The following KLF12 variants were observed in gnomAD, a reference collection of about 807,000 sequenced individuals.
KLF12 encodes the protein KLF transcription factor 12.
A neutral mutation model predicts 37.8 loss-of-function variants in KLF12; 9 were observed. That is an observed-to-expected ratio of 0.24 (90% CI 0.14 to 0.42). The LOEUF (loss-of-function observed/expected upper bound fraction) is 0.42. Ranked by LOEUF, KLF12 falls within the 10% of genes least tolerant of loss-of-function variation. KLF12 has a pLI of 1.00. For missense variants in KLF12, 411 were observed against 516.0 expected, an observed-to-expected ratio of 0.80 and a Z score of 1.97; for synonymous variants, 208 against 202.1, an observed-to-expected ratio of 1.03 and a Z score of -0.25.
chr13:73,956,481 C>T (rs376331236), intron 2 of KLF12, among the ~76,000 whole-genome samples: 28 of 151,368 alleles, frequency 1.8e-4, no homozygotes, highest in African/African-American at 6.9e-4. Flanking sequence ...TTGGCTTCTG[C>T]CACTATATCC....
At chr13:74,202,744 C>T in the KLF12 span, among the ~76,000 whole-genome samples, 1 of 152,148 alleles carries the variant, frequency 6.6e-6, no homozygotes. Flanking sequence ...CTGCTAGATG[C>T]TGCTGTCTCT....
intron 1 of KLF12, among the ~76,000 whole-genome samples, chr13:74,055,705 G>T (rs1234898737): frequency 6.6e-6 from 1 of 152,140 alleles, no homozygotes; most frequent in Non-Finnish European, 1.5e-5. Context: ...TGTAACACTG[G>T]AAGGTAGGAT....
the KLF12 span, chr13:74,231,558 T>C: frequency 2.6e-5 from 4 of 152,362 alleles, no homozygotes; most frequent in African/African-American, 9.6e-5. Context: ...TGTTATGTCA[T>C]GTTTCATATA....
the KLF12 span, among the ~76,000 whole-genome samples, chr13:74,176,428 C>A: frequency 1.3e-5 from 2 of 152,134 alleles, no homozygotes; most frequent in African/African-American, 4.8e-5. Context: ...TTGGCAAATG[C>A]GCAACATTCT....
intron 1 of KLF12, among the ~76,000 whole-genome samples, chr13:74,106,444 G>C (rs1409093779): frequency 6.6e-6 from 1 of 152,086 alleles, no homozygotes; most frequent in Non-Finnish European, 1.5e-5. Context: ...GACCAATCTG[G>C]GGAACTTTGT....
chr13:74,163,318 T>C, the KLF12 span, among the ~76,000 whole-genome samples: 3 of 152,176 alleles, frequency 2.0e-5, no homozygotes, highest in Admixed American at 2.0e-4. Flanking sequence ...ATAGCTAAGA[T>C]ATGGAATCAT....
At chr13:73,823,503 C>T (rs1883655535) in intron 4 of KLF12, among the ~76,000 whole-genome samples, 1 of 152,144 alleles carries the variant, frequency 6.6e-6, no homozygotes, top group African/African-American at 2.4e-5. Flanking sequence ...CTCCGTGCCT[C>T]ATTTTAGAAT....
intron 3 of KLF12, among the ~76,000 whole-genome samples, chr13:73,861,159 A>G (rs1171153462): frequency 6.6e-6 from 1 of 152,088 alleles, no homozygotes; most frequent in African/African-American, 2.4e-5. Context: ...AGGATTCTGC[A>G]TTTTTTTCTG....
intron 1 of KLF12, among the ~76,000 whole-genome samples, chr13:74,121,064 T>TA (rs1303162397): frequency 6.6e-6 from 1 of 152,092 alleles, no homozygotes; most frequent in African/African-American, 2.4e-5. Flanking sequence ...AAATAAAAGT[T>TA]AGAGATGGTA....
chr13:73,891,576 A>G (rs1887507983), intron 3 of KLF12, among the ~76,000 whole-genome samples: 1 of 152,160 alleles, frequency 6.6e-6, no homozygotes, highest in South Asian at 2.1e-4. Flanking sequence ...GCACACTTTC[A>G]AAATAATTGT....
chr13:74,035,098 C>G (rs1359926345), intron 1 of KLF12, among the ~76,000 whole-genome samples: 1 of 152,154 alleles, frequency 6.6e-6, no homozygotes, highest in Non-Finnish European at 1.5e-5. Context: ...ACAGTAATCC[C>G]TCAGTATTTG....
rs79860278 is a variant in KLF12 at position 73,706,119 on chromosome 13, T to C, written c.1027+9249A>G. Among the ~76,000 whole-genome samples the C allele has an allele frequency of 8.5e-4, 129 of 152,294 alleles. 1 individual carries two copies. The East Asian group carries it at 0.024, about 28-fold the overall frequency. On this transcript the variant is annotated intron_variant, in intron 7 of 7. Transcript: ENST00000377669. ...GTGAGCCGAGATCGTGCCACTGTAC[T>C]CCTCTAGCCTGGCGACAGAGTGAGA...
At chr13:73,752,990 G>A (rs1324544561) in intron 6 of KLF12, among the ~76,000 whole-genome samples, 2 of 151,722 alleles carry the variant, frequency 1.3e-5, no homozygotes, top group Non-Finnish European at 2.9e-5. Flanking sequence ...CTGACCTTGT[G>A]ATCGACCCGC....
chr13:73,863,670 T>C (rs1391128398), intron 3 of KLF12, among the ~76,000 whole-genome samples: 1 of 152,174 alleles, frequency 6.6e-6, no homozygotes, highest in East Asian at 1.9e-4. Context: ...TTACATAGTA[T>C]ACTGTAGGGT....
rs551304680 is a variant in KLF12, at chr13:73,765,759, C to T, written c.807-759G>A. On this transcript the variant is annotated intron_variant, in intron 5 of 7. Transcript: ENST00000377669. Reference sequence around the variant, plus strand: ...TGGGTCACTAACCGGCAAAACAATACGCCCTACTTCCGGCTGCCAGCTTCC... The same window carrying T: ...TGGGTCACTAACCGGCAAAACAATATGCCCTACTTCCGGCTGCCAGCTTCC... Among the ~76,000 whole-genome samples, 105 of 152,254 alleles carry T rather than the reference C, an allele frequency of 6.9e-4. 1 individual carries two copies. The highest frequency in any genetic ancestry group is 3.3e-3 in the Admixed American group (50 of 15,292).
intron 2 of KLF12, among the ~76,000 whole-genome samples, chr13:73,950,114 T>C (rs563798989): frequency 6.6e-6 from 1 of 152,376 alleles, no homozygotes; most frequent in South Asian, 2.1e-4. Flanking sequence ...TTTAATTTCC[T>C]GATAGCAATT....
chr13:74,291,493 T>C, the KLF12 span, among the ~76,000 whole-genome samples: 1,103 of 152,288 alleles, frequency 7.2e-3, 11 homozygotes, highest in African/African-American at 0.025. Flanking sequence ...CTCAGAGATA[T>C]AGACAACAAG....
chr13:73,788,511 T>C (rs986497121), intron 5 of KLF12, among the ~76,000 whole-genome samples: 1 of 152,182 alleles, frequency 6.6e-6, no homozygotes, highest in Non-Finnish European at 1.5e-5. Context: ...AGTTCAACAA[T>C]ACAGGGTGGT....
intron 1 of KLF12, among the ~76,000 whole-genome samples, chr13:74,031,561 T>C (rs1036267839): frequency 6.6e-6 from 1 of 152,164 alleles, no homozygotes; most frequent in African/African-American, 2.4e-5. Context: ...GTGATTTAAA[T>C]CATTACTATT....
Sources: gnomAD v4.1 joint callset for allele counts (sites outside exome capture counted in the v4.1 genomes callset) on GRCh38, gnomAD v4.1.1 for gene constraint, MANE v1.5 for transcripts, NCBI Gene and HGNC (gene_info 2026-07-23, HGNC 2026-07-21) for gene names.